Variants in XPA observed in about 807,000 individuals in gnomAD.
XPA encodes XPA, DNA damage recognition and repair factor.
Under a neutral mutation model 35.7 loss-of-function variants are expected in XPA, and 27 were observed. The ratio of observed to expected loss-of-function variants is 0.76; its 90% confidence interval spans 0.56 to 1.04. The LOEUF is 1.04. XPA is among the 50% of genes least tolerant of loss of function. XPA has a pLI of 0.00. For missense variants in XPA, 354 were observed against 342.7 expected (o/e 1.03, Z -0.26); for synonymous variants, 133 against 118.4 (o/e 1.12, Z -0.80).
the XPA span, among the ~76,000 whole-genome samples, chr9:97,669,381 A>G: frequency 6.6e-6 from 1 of 152,346 alleles, no homozygotes; most frequent in South Asian, 2.1e-4. Context: ...TAAGACATTA[A>G]AGGTCTTTAT....
chr9:97,654,508 T>C, the XPA span, among the ~76,000 whole-genome samples: 2 of 151,496 alleles, frequency 1.3e-5, no homozygotes, highest in Non-Finnish European at 2.9e-5. Flanking sequence ...GCAGATGCCA[T>C]TGGAAAAATG....
Position 97,684,970 on chromosome 9 carries a change from T to C in XPA, c.626A>G (p.Glu209Gly). Residue 209 changes from glutamate to glycine, a missense_variant, in exon 5 of 6, where the codon GAA becomes GGA. By Grantham distance (98) the Glu-to-Gly change is moderately conservative. Coordinates refer to ENST00000375128, the MANE Select transcript of XPA (RefSeq NM_000380.4). The part of the protein sequence containing the change: ...ALEEAKEVRQ[E>G]NREKMKQKKF... ...CTTCTGTTTCATTTTTTCTCGGTTT[T>C]CCTGTCGGACTTCCTTTGCTTCTTC... 6.2e-7 allele frequency: 1 copy of C among 1,613,806 alleles called. No homozygotes were observed. Among genetic ancestry groups the C allele is most frequent in the Non-Finnish European group, 8.5e-7 (1 of 1,179,848 alleles).
At chr9:97,694,633 A>C (rs1423618722) in intron 1 of XPA, among the ~76,000 whole-genome samples, 1 of 152,208 alleles carries the variant, frequency 6.6e-6, no homozygotes, top group Non-Finnish European at 1.5e-5. Flanking sequence ...GAGGATGTGG[A>C]ACAACCAGAA....
chr9:97,679,918 C>G (rs1010548131), intron 5 of XPA, among the ~76,000 whole-genome samples: 2 of 152,128 alleles, frequency 1.3e-5, no homozygotes, highest in Non-Finnish European at 2.9e-5. Flanking sequence ...CGACCTGAGT[C>G]TAACTGAGGA....
chr9:97,659,641 A>G, the XPA span, among the ~76,000 whole-genome samples: 1 of 152,246 alleles, frequency 6.6e-6, no homozygotes, highest in Non-Finnish European at 1.5e-5. Flanking sequence ...CTGAGTGGCC[A>G]TGCTGTTAGC....
chr9:97,679,911 C>G (rs1427499200), intron 5 of XPA, among the ~76,000 whole-genome samples: 2 of 152,130 alleles, frequency 1.3e-5, no homozygotes, highest in Non-Finnish European at 2.9e-5. Context: ...AAACATTCGA[C>G]CTGAGTCTAA....
chr9:97,685,387 A>G (rs1242295756), intron 4 of XPA, among the ~76,000 whole-genome samples: 1 of 152,236 alleles, frequency 6.6e-6, no homozygotes. Flanking sequence ...GATTAGCCAC[A>G]TCAGACCTAA....
the XPA span, among the ~76,000 whole-genome samples, chr9:97,660,418 T>A: frequency 6.6e-6 from 1 of 152,176 alleles, no homozygotes; most frequent in Non-Finnish European, 1.5e-5. Flanking sequence ...AGCATCTGAC[T>A]TACGTAGATT....
rs191124589 is a variant in XPA, at chr9:97,683,585, A to T, written c.673+1338T>A. 7.7e-3 allele frequency among the ~76,000 whole-genome samples: 1,173 copies of T among 152,052 alleles called. 4 individuals carry two copies. Among genetic ancestry groups the T allele is most frequent in the African/African-American group, 0.017 (716 of 41,478 alleles). On this transcript the variant is annotated intron_variant, in intron 5 of 5. Coordinates refer to ENST00000375128, the MANE Select transcript of XPA (RefSeq NM_000380.4). Reference sequence around the variant, plus strand: ...CAAACAGTGCTTCCATTTTTATTTTAAAAAAAAATTTAAGGATCTTAGGAT... The same window carrying T: ...CAAACAGTGCTTCCATTTTTATTTTTAAAAAAAATTTAAGGATCTTAGGAT...
intron 4 of XPA, among the ~76,000 whole-genome samples, 179 bp downstream of exon 4, chr9:97,686,914 AAAG>A (rs144089020): frequency 0.014 from 2,072 of 152,286 alleles, 99 homozygotes; most frequent in East Asian, 0.12. Flanking sequence ...TGAAAAAAGA[AAAG>A]AAAAAAGCAA....
At chr9:97,661,181 C>G in the XPA span, 1 of 1,284,792 alleles carries the variant, frequency 7.8e-7, no homozygotes, top group Admixed American at 2.6e-5. Context: ...TCTGTTTGAC[C>G]TGTTCAGACT....
At chr9:97,665,582 G>A in the XPA span, among the ~76,000 whole-genome samples, 494 of 152,314 alleles carry the variant, frequency 3.2e-3, no homozygotes, top group African/African-American at 0.011. Context: ...ACCCCCTCCA[G>A]AGTTAAAGTG....
At chr9:97,676,964 T>C (rs1828385765) in intron 5 of XPA, among the ~76,000 whole-genome samples, 1 of 152,188 alleles carries the variant, frequency 6.6e-6, no homozygotes, top group Admixed American at 6.5e-5. Flanking sequence ...TTACTTAGGA[T>C]ATTTTCTAAA....
the XPA span, chr9:97,654,780 A>T: frequency 9.7e-7 from 1 of 1,029,550 alleles, no homozygotes; most frequent in Non-Finnish European, 1.5e-6. Flanking sequence ...CAGCATTATT[A>T]ATCATTATAA....
At chr9:97,674,001 T>A (rs1287942326), downstream of XPA, among the ~76,000 whole-genome samples, 2 of 152,116 alleles carry the variant, frequency 1.3e-5, no homozygotes, top group Non-Finnish European at 2.9e-5. Flanking sequence ...GTTCACCCTA[T>A]TAACTACTTC....
chr9:97,674,158 C>A (rs373586499), downstream of XPA, among the ~76,000 whole-genome samples: 4 of 150,928 alleles, frequency 2.7e-5, no homozygotes, highest in African/African-American at 4.9e-5. Flanking sequence ...AATGCTCTTA[C>A]AACAACCTGA....
chr9:97,674,229 A>C (rs1034245694), downstream of XPA, among the ~76,000 whole-genome samples: 57 of 152,178 alleles, frequency 3.7e-4, no homozygotes, highest in Non-Finnish European at 1.6e-4. Flanking sequence ...TTTTCCCCAG[A>C]GACATCTTGC....
the XPA span, chr9:97,656,171 G>A: frequency 8.8e-7 from 1 of 1,130,802 alleles, no homozygotes; most frequent in East Asian, 2.5e-5. Flanking sequence ...TCAGAATATT[G>A]GATTCAAAAT....
chr9:97,692,951 C>T (rs1311084556), intron 2 of XPA, among the ~76,000 whole-genome samples: 2 of 151,884 alleles, frequency 1.3e-5, no homozygotes, highest in Non-Finnish European at 2.9e-5. Flanking sequence ...TCAGCTTCTG[C>T]AAACAACAAT....
Sources: allele counts gnomAD v4.1 joint callset (sites outside exome capture counted in the v4.1 genomes callset), GRCh38; gene constraint gnomAD v4.1.1; transcripts MANE v1.5; gene names NCBI Gene and HGNC (gene_info 2026-07-23, HGNC 2026-07-21).